Variants in INSYN2B observed in about 807,000 individuals in gnomAD.
INSYN2B encodes protein INSYN2B.
Under a neutral mutation model 41.2 loss-of-function variants are expected in INSYN2B, and 16 were observed. That is an observed-to-expected ratio of 0.39 (90% CI 0.26 to 0.59). The LOEUF is 0.59. Ranked by LOEUF, INSYN2B falls within the 20% of genes least tolerant of loss-of-function variation. The pLI, the probability that INSYN2B is intolerant of heterozygous loss-of-function variation, is 0.57. For synonymous variants in INSYN2B, 245 were observed against 244.4 expected, an observed-to-expected ratio of 1.00 and a Z score of -0.02; for missense variants, 608 against 646.4, an observed-to-expected ratio of 0.94 and a Z score of 0.64.
intron 1 of INSYN2B, among the ~76,000 whole-genome samples, chr5:169,897,003 C>T (rs188718525): frequency 9.9e-5 from 15 of 152,266 alleles, no homozygotes; most frequent in African/African-American, 3.6e-4. Flanking sequence ...TTACTTAGTG[C>T]TTAGTGCTAG....
intron 1 of INSYN2B, among the ~76,000 whole-genome samples, chr5:169,915,352 A>G (rs992420608): frequency 6.6e-6 from 1 of 152,188 alleles, no homozygotes; most frequent in Non-Finnish European, 1.5e-5. Flanking sequence ...AGTAAGCACT[A>G]ATATTAATTG....
intron 1 of INSYN2B, among the ~76,000 whole-genome samples, chr5:169,971,188 CA>C (rs34023676): frequency 2.7e-4 from 39 of 143,742 alleles, no homozygotes; most frequent in East Asian, 1.0e-3. Flanking sequence ...GAAAGAAAGG[CA>C]AAAAAAAAAA....
chr5:169,883,995 A>G lies in INSYN2B; in HGVS notation c.-97T>C, dbSNP rs184428590. 4.1e-6 allele frequency: 5 copies of G among 1,213,972 alleles called. No homozygotes were observed. The East Asian group carries it at 1.0e-4, about 25-fold the overall frequency. 75.2% of individuals were successfully genotyped at this position (1,213,972 alleles called of 1,614,324 possible). A position where few individuals can be genotyped will look rare whatever the true frequency, so the allele number is the denominator to read the frequency against. On this transcript the variant is annotated 5_prime_UTR_variant, in exon 2 of 4. Coordinates refer to ENST00000377365, the MANE Select transcript of INSYN2B (RefSeq NM_001129891.3). Reference sequence around the variant, plus strand: ...TATCTAATGATAGTATTTCAATCATAGAGAACTGCTGGCCAGGATGGAGTG... The same window carrying G: ...TATCTAATGATAGTATTTCAATCATGGAGAACTGCTGGCCAGGATGGAGTG...
At chr5:169,966,316 A>G (rs150693648) in intron 1 of INSYN2B, among the ~76,000 whole-genome samples, 1 of 152,168 alleles carries the variant, frequency 6.6e-6, no homozygotes, top group African/African-American at 2.4e-5. Flanking sequence ...AGGAAATGGC[A>G]TGACTCAGAG....
intron 1 of INSYN2B, among the ~76,000 whole-genome samples, chr5:169,902,422 A>G (rs920828187): frequency 5.3e-5 from 8 of 152,200 alleles, no homozygotes; most frequent in Admixed American, 5.2e-4. Context: ...ACAGTAGTGA[A>G]TAGTCCAGCA....
At chr5:169,961,704 G>A (rs997508625) in intron 1 of INSYN2B, among the ~76,000 whole-genome samples, 10 of 152,124 alleles carry the variant, frequency 6.6e-5, no homozygotes, top group African/African-American at 1.2e-4. Context: ...CAGGCCGGGT[G>A]CAGTGGCTCA....
At chr5:169,970,173 G>A (rs1428809497) in intron 1 of INSYN2B, among the ~76,000 whole-genome samples, 1 of 152,204 alleles carries the variant, frequency 6.6e-6, no homozygotes, top group Admixed American at 6.5e-5. Flanking sequence ...TTAATTTGAT[G>A]TTCTTAACCA....
intron 1 of INSYN2B, among the ~76,000 whole-genome samples, chr5:169,942,117 G>T (rs1237399498): frequency 6.6e-6 from 1 of 152,172 alleles, no homozygotes; most frequent in African/African-American, 2.4e-5. Context: ...CTTTTCCAAG[G>T]TATCAGGAAG....
intron 3 of INSYN2B, among the ~76,000 whole-genome samples, chr5:169,867,683 C>T (rs1379614719): frequency 1.3e-5 from 2 of 152,010 alleles, no homozygotes; most frequent in African/African-American, 2.4e-5. Context: ...ATCTATTGAT[C>T]CCCCCACACA....
intron 3 of INSYN2B, among the ~76,000 whole-genome samples, chr5:169,866,364 G>C (rs1225370857): frequency 1.3e-5 from 2 of 152,156 alleles, no homozygotes; most frequent in African/African-American, 4.8e-5. Flanking sequence ...CAGTTTCACT[G>C]TGAGATCTTG....
chr5:169,923,414 T>C (rs1775278927), intron 1 of INSYN2B, among the ~76,000 whole-genome samples: 1 of 152,258 alleles, frequency 6.6e-6, no homozygotes, highest in Admixed American at 6.5e-5. Context: ...TCAGCCTTTA[T>C]AGATGTTGAT....
At position 169,863,116 on chromosome 5, in the gene INSYN2B, T is replaced by C. The variant is rs1771306241; in HGVS notation, c.*1157A>G. The stretch of plus-strand genomic sequence containing the variant: ...CCATGCAAGTTTGACTGGATCCACA[T>C]GTATGTAGGTCTTGTCAACAGAATG... On this transcript the variant is annotated 3_prime_UTR_variant, in exon 4 of 4. Coordinates refer to ENST00000377365, the MANE Select transcript of INSYN2B (RefSeq NM_001129891.3). Among the ~76,000 whole-genome samples the C allele has an allele frequency of 6.6e-6, 1 of 152,230 alleles. No homozygotes were observed. Among genetic ancestry groups the C allele is most frequent in the Non-Finnish European group, 1.5e-5 (1 of 68,042 alleles).
At chr5:169,870,636 G>T (rs917653751) in intron 3 of INSYN2B, among the ~76,000 whole-genome samples, 1 of 151,642 alleles carries the variant, frequency 6.6e-6, no homozygotes, top group Non-Finnish European at 1.5e-5. Flanking sequence ...AAGTTTTAGG[G>T]TACATGTGCA....
intron 1 of INSYN2B, among the ~76,000 whole-genome samples, chr5:169,898,100 CCTT>C (rs1455146660): frequency 6.6e-6 from 1 of 152,182 alleles, no homozygotes; most frequent in Non-Finnish European, 1.5e-5. Flanking sequence ...CTGCCACCAA[CCTT>C]CTTGTGTGTT....
At chr5:169,971,140 G>C (rs1404452883) in intron 1 of INSYN2B, among the ~76,000 whole-genome samples, 6 of 150,374 alleles carry the variant, frequency 4.0e-5, no homozygotes, top group Non-Finnish European at 5.9e-5. Flanking sequence ...AGGGAAGTGG[G>C]ACAAATGTGA....
rs962125452 is a variant in INSYN2B at position 169,864,145 on chromosome 5, G to C, written c.*128C>G. On this transcript the variant is annotated 3_prime_UTR_variant, in exon 4 of 4. Coordinates refer to ENST00000377365, the MANE Select transcript of INSYN2B (RefSeq NM_001129891.3). ...GCTACATCAGCTCCAAGGCTCTTCTGTTTCACAGGCCAAGGGGCTCACAGC... is the reference window on the plus strand; with the variant it reads ...GCTACATCAGCTCCAAGGCTCTTCTCTTTCACAGGCCAAGGGGCTCACAGC... The C allele has an allele frequency of 8.5e-6, 7 of 824,388 alleles. No homozygotes were observed. The highest frequency in any genetic ancestry group is 3.6e-4 in the Middle Eastern group (1 of 2,790). The allele number at this position is 824,388 out of a possible 1,614,324, so 51.1% of individuals were successfully genotyped here.
chr5:169,969,666 A>G (rs1777429673), intron 1 of INSYN2B, among the ~76,000 whole-genome samples: 1 of 152,192 alleles, frequency 6.6e-6, no homozygotes, highest in Non-Finnish European at 1.5e-5. Context: ...TGCAGTGCCT[A>G]CAGGGTCCAG....
At chr5:169,929,806 G>A (rs1002666496) in intron 1 of INSYN2B, among the ~76,000 whole-genome samples, 4 of 150,440 alleles carry the variant, frequency 2.7e-5, no homozygotes, top group Non-Finnish European at 5.9e-5. Context: ...CTGAAAGCTT[G>A]ACCTAGCACT....
chr5:169,965,280 G>A (rs1427061540), intron 1 of INSYN2B, among the ~76,000 whole-genome samples: 3 of 152,182 alleles, frequency 2.0e-5, no homozygotes, highest in Admixed American at 6.5e-5. Flanking sequence ...CTTCAGCTGC[G>A]GGCTGGGGCT....
Sources: allele counts gnomAD v4.1 joint callset (sites outside exome capture counted in the v4.1 genomes callset), GRCh38; gene constraint gnomAD v4.1.1; transcripts MANE v1.5; gene names NCBI Gene and HGNC (gene_info 2026-07-23, HGNC 2026-07-21).